CADPS: variants seen among roughly 807,000 people sequenced by gnomAD.
CADPS encodes the protein calcium dependent secretion activator.
In CADPS, 57 loss-of-function variants were observed where a neutral mutation model predicts 167.3. The ratio of observed to expected loss-of-function variants is 0.34; its 90% CI spans 0.28 to 0.42. The LOEUF (loss-of-function observed/expected upper bound fraction) is 0.42. Ranked by LOEUF, CADPS falls within the 20% of genes least tolerant of loss-of-function variation. The pLI is 1.00. For missense variants in CADPS, 1,414 were observed against 1,738.1 expected, an observed-to-expected ratio of 0.81 and a Z score of 3.32; for synonymous variants, 676 against 635.3, an observed-to-expected ratio of 1.06 and a Z score of -0.96.
At chr3:62,437,340 CTT>C (rs11295364) in intron 28 of CADPS, among the ~76,000 whole-genome samples, 3,936 of 128,212 alleles carry the variant, frequency 0.031, 91 homozygotes, top group African/African-American at 0.091. Flanking sequence ...AAGCAGGTTC[CTT>C]TTTTTTTTTT....
At chr3:62,867,859 C>A (rs141994236) in intron 1 of CADPS, among the ~76,000 whole-genome samples, 2 of 152,028 alleles carry the variant, frequency 1.3e-5, no homozygotes, top group Admixed American at 6.6e-5. Context: ...GATCAAGGTA[C>A]CACTACAATT....
At chr3:62,717,334 G>A (rs943402962) in intron 3 of CADPS, among the ~76,000 whole-genome samples, 3 of 152,104 alleles carry the variant, frequency 2.0e-5, no homozygotes, top group Non-Finnish European at 2.9e-5. Flanking sequence ...GTGGTGTTTA[G>A]CATTTATTAC....
intron 5 of CADPS, among the ~76,000 whole-genome samples, chr3:62,648,875 G>GT (rs1267600059): frequency 6.6e-6 from 1 of 151,912 alleles, no homozygotes; most frequent in East Asian, 1.9e-4. Context: ...TGGCAGTATT[G>GT]TTTTTTAAAA....
Position 62,603,835 on chromosome 3 carries a change from T to C in CADPS, c.1326-11087A>G, listed in dbSNP as rs371025815. On this transcript the variant is annotated intron_variant, in intron 6 of 29. Coordinates refer to ENST00000383710, the MANE Select transcript of CADPS (RefSeq NM_003716.4). ...TGATGCTTGCTATCTGTATGCTGTG[T>C]TTTTTTTTTGAGACAGAGTCTCGCT... 5.4e-5 allele frequency among the ~76,000 whole-genome samples: 8 copies of C among 148,842 alleles called. No homozygotes were observed. In the East Asian group the frequency reaches 1.2e-3, roughly 22 times the overall value.
chr3:62,460,189 C>CTGA (rs1293910313), intron 26 of CADPS, among the ~76,000 whole-genome samples: 6 of 152,214 alleles, frequency 3.9e-5, no homozygotes, highest in Non-Finnish European at 4.4e-5. Context: ...GTTGCATAGA[C>CTGA]TGATTGTGAG....
intron 1 of CADPS, among the ~76,000 whole-genome samples, chr3:62,854,471 G>A (rs760734560): frequency 4.6e-5 from 7 of 152,180 alleles, no homozygotes. Flanking sequence ...ACAAAACAAT[G>A]TTGGGAAATG....
Position 62,741,505 on chromosome 3 carries a change from A to C in CADPS, c.888+11936T>G, listed in dbSNP as rs190710186. On this transcript the variant is annotated intron_variant, in intron 3 of 29. Coordinates refer to ENST00000383710, the MANE Select transcript of CADPS (RefSeq NM_003716.4). ...GATAAATGTGATTCATCACATAAGC[A>C]GAATTAAAGGCAAAAACCACATGAC... Among the ~76,000 whole-genome samples the C allele has an allele frequency of 2.2e-3, 335 of 152,376 alleles. 3 individuals are homozygous for C. Among genetic ancestry groups the C allele is most frequent in the African/African-American group, 7.8e-3 (324 of 41,588 alleles).
At position 62,544,630 on chromosome 3, in the gene CADPS, T is replaced by G. The variant is rs774606776; in HGVS notation, c.1966+5273A>C. On this transcript the variant is annotated intron_variant, in intron 11 of 29. Coordinates refer to ENST00000383710, the MANE Select transcript of CADPS (RefSeq NM_003716.4). This position sits in a 1 kb window ranked among gnomAD's most constrained non-coding sequence, Gnocchi z 4.4. ...CTCAGAGGATCATTTGATGCCAATATGAAAGCCAAGGAGAGGAGGCAATTA... is the reference window on the plus strand; with the variant it reads ...CTCAGAGGATCATTTGATGCCAATAGGAAAGCCAAGGAGAGGAGGCAATTA... 1.3e-5 allele frequency among the ~76,000 whole-genome samples: 2 copies of G among 152,244 alleles called. No individual in the cohort carries two copies. The highest frequency in any genetic ancestry group is 4.8e-5 in the African/African-American group (2 of 41,562).
chr3:62,742,807 G>A (rs2080570189), intron 3 of CADPS, among the ~76,000 whole-genome samples: 1 of 152,130 alleles, frequency 6.6e-6, no homozygotes, highest in South Asian at 2.1e-4. Context: ...CTTCTGCATA[G>A]CAAAACAAAC....
intron 3 of CADPS, among the ~76,000 whole-genome samples, chr3:62,712,638 T>G (rs556916294): frequency 1.3e-5 from 2 of 152,228 alleles, no homozygotes; most frequent in Non-Finnish European, 2.9e-5. Context: ...GTTGAAACAT[T>G]TGCTATTTAT....
intron 28 of CADPS, among the ~76,000 whole-genome samples, chr3:62,423,881 A>T (rs2052016782): frequency 6.6e-6 from 1 of 152,226 alleles, no homozygotes. Context: ...GCTATCTCTA[A>T]TGTACAGTCA....
At position 62,707,495 on chromosome 3, in the gene CADPS, T is replaced by C. The variant is rs114367131; in HGVS notation, c.889-45101A>G. Among the ~76,000 whole-genome samples the C allele has an allele frequency of 4.0e-3, 613 of 152,228 alleles. 9 individuals carry two copies. The highest frequency in any genetic ancestry group is 0.014 in the African/African-American group (573 of 41,514). Reference sequence around the variant, plus strand: ...TAGTAAGTACTGAATAAACCCTTTCTGAATGAATGAATCAAAAGCTGATAG... The same window carrying C: ...TAGTAAGTACTGAATAAACCCTTTCCGAATGAATGAATCAAAAGCTGATAG... On this transcript the variant is annotated intron_variant, in intron 3 of 29. Coordinates refer to ENST00000383710, the MANE Select transcript of CADPS (RefSeq NM_003716.4).
At chr3:62,486,545 G>C (rs2062851411) in intron 21 of CADPS, among the ~76,000 whole-genome samples, 1 of 151,858 alleles carries the variant, frequency 6.6e-6, no homozygotes, top group Non-Finnish European at 1.5e-5. Flanking sequence ...GAGTGAGAAA[G>C]TGCATTTTGA....
intron 8 of CADPS, among the ~76,000 whole-genome samples, chr3:62,575,558 A>G (rs1218100387): frequency 6.6e-6 from 1 of 152,240 alleles, no homozygotes; most frequent in East Asian, 1.9e-4. Flanking sequence ...TAGATATATC[A>G]TTATATACTA....
chr3:62,640,935 C>T (rs2067282191), intron 6 of CADPS, among the ~76,000 whole-genome samples: 1 of 149,926 alleles, frequency 6.7e-6, no homozygotes, highest in Admixed American at 6.8e-5. Context: ...GGTTTCTTTA[C>T]ATCATTTTTT....
intron 10 of CADPS, among the ~76,000 whole-genome samples, chr3:62,555,574 C>A (rs187994170): frequency 6.6e-6 from 1 of 152,302 alleles, no homozygotes; most frequent in African/African-American, 2.4e-5. Context: ...GGGTAATGAT[C>A]CTGGTCTTAT....
chr3:62,532,830 T>G, intron 13 of CADPS, 41 bp downstream of exon 13: 2 of 1,590,986 alleles, frequency 1.3e-6, no homozygotes, highest in Non-Finnish European at 1.7e-6. Flanking sequence ...GCCAGTGCCA[T>G]TTCTTAAGGA....
chr3:62,853,678 C>G (rs2079081942), intron 1 of CADPS, among the ~76,000 whole-genome samples: 1 of 150,022 alleles, frequency 6.7e-6, no homozygotes, highest in Non-Finnish European at 1.5e-5. Context: ...ACATACATGA[C>G]AGCCAGGCCC....
At chr3:62,555,842 G>A (rs2078052346) in intron 10 of CADPS, among the ~76,000 whole-genome samples, 1 of 152,148 alleles carries the variant, frequency 6.6e-6, no homozygotes, top group Admixed American at 6.5e-5. Flanking sequence ...CTAGGCTCAA[G>A]CAATCCTCCC....
Sources: gnomAD v4.1 joint callset for allele counts (sites outside exome capture counted in the v4.1 genomes callset) on GRCh38, gnomAD v4.1.1 for gene constraint, Gnocchi (gnomAD v3.1) non-coding constraint, MANE v1.5 for transcripts, NCBI Gene and HGNC (gene_info 2026-07-23, HGNC 2026-07-21) for gene names.